Variants in ALKBH3 observed in about 807,000 individuals in gnomAD.
The protein encoded by ALKBH3 is alkB homolog 3, alpha-ketoglutarate dependent dioxygenase.
Under a neutral mutation model 43.9 loss-of-function variants are expected in ALKBH3, and 51 were observed. The ratio of observed to expected loss-of-function variants is 1.16; its 90% CI spans 0.93 to 1.47. The LOEUF is 1.47. ALKBH3 is among the 40% of genes most tolerant of loss of function. The pLI, the probability that ALKBH3 is intolerant of heterozygous loss-of-function variation, is 0.00. For missense variants in ALKBH3, 361 were observed against 351.9 expected (o/e 1.03, Z -0.21); for synonymous variants, 102 against 115.2 (o/e 0.89, Z 0.73).
At chr11:43,890,093 A>G (rs970860694) in intron 6 of ALKBH3, among the ~76,000 whole-genome samples, 2 of 152,098 alleles carry the variant, frequency 1.3e-5, no homozygotes, top group African/African-American at 4.8e-5. Context: ...TGGTTGGCTG[A>G]ACTATGGCTG....
chr11:43,890,333 G>A (rs2135181280), intron 6 of ALKBH3, among the ~76,000 whole-genome samples: 1 of 152,276 alleles, frequency 6.6e-6, no homozygotes, highest in South Asian at 2.1e-4. Context: ...TGACACGGCA[G>A]TTTGTTACCT....
rs1166346479 is a variant in ALKBH3, at chr11:43,919,037, G to A, written c.670-1G>A. 1.3e-6 allele frequency: 2 copies of A among 1,598,746 alleles called. No homozygotes were observed. The highest frequency in any genetic ancestry group is 1.7e-5 in the Admixed American group (1 of 59,936). The stretch of plus-strand genomic sequence containing the variant: ...TTATTACAACAAATGCTGTTTTCTA[G>A]GAAGAGAATGGAGACTACACATATG... On this transcript the variant is annotated splice_acceptor_variant, in intron 8 of 9. Coordinates refer to ENST00000302708, the MANE Select transcript of ALKBH3 (RefSeq NM_139178.4). LOFTEE classifies it high-confidence loss of function.
chr11:43,904,469 TATA>T (rs1334591912), intron 8 of ALKBH3, among the ~76,000 whole-genome samples: 3 of 152,234 alleles, frequency 2.0e-5, no homozygotes, highest in Non-Finnish European at 4.4e-5. Flanking sequence ...TGTTTGAAAT[TATA>T]ATCACACATG....
At chr11:43,885,319 A>G (rs572135555) in intron 4 of ALKBH3, among the ~76,000 whole-genome samples, 1 of 152,368 alleles carries the variant, frequency 6.6e-6, no homozygotes, top group African/African-American at 2.4e-5. Flanking sequence ...AATGTGGGCC[A>G]AAAATACACC....
intron 8 of ALKBH3, among the ~76,000 whole-genome samples, chr11:43,913,888 A>T (rs959355766): frequency 1.3e-5 from 2 of 152,220 alleles, no homozygotes; most frequent in Non-Finnish European, 2.9e-5. Context: ...GAAAATTTAT[A>T]ACTCAGGAAA....
chr11:43,901,866 C>CAAAAAACATAA, intron 8 of ALKBH3, 141 bp downstream of exon 8: 1 of 1,043,136 alleles, frequency 9.6e-7, no homozygotes. Flanking sequence ...TGACTACTTC[C>CAAAAAACATAA]CCATGGTTAA....
chr11:43,906,128 C>A (rs1951894575), intron 8 of ALKBH3, among the ~76,000 whole-genome samples: 1 of 152,192 alleles, frequency 6.6e-6, no homozygotes, highest in African/African-American at 2.4e-5. Context: ...AGCCCTCTAA[C>A]CACTCCTCTT....
At chr11:43,885,550 G>A (rs373223783) in intron 4 of ALKBH3, among the ~76,000 whole-genome samples, 4 of 152,208 alleles carry the variant, frequency 2.6e-5, no homozygotes, top group Non-Finnish European at 5.9e-5. Flanking sequence ...GTCTCTCTCT[G>A]AGAAGGATCT....
chr11:43,889,890 A>G (rs1655315807), intron 6 of ALKBH3, 62 bp downstream of exon 6: 28 of 1,368,504 alleles, frequency 2.0e-5, no homozygotes, highest in Non-Finnish European at 2.6e-5. Context: ...AATGTTTCCT[A>G]GTACCATCAC....
chr11:43,897,035 G>A (rs1245969925), intron 7 of ALKBH3, among the ~76,000 whole-genome samples: 1 of 151,988 alleles, frequency 6.6e-6, no homozygotes, highest in Non-Finnish European at 1.5e-5. Flanking sequence ...TTGAACTCCT[G>A]GGCTCAAGCG....
chr11:43,914,376 G>A (rs1012859907), intron 8 of ALKBH3, among the ~76,000 whole-genome samples: 1 of 152,144 alleles, frequency 6.6e-6, no homozygotes, highest in African/African-American at 2.4e-5. Context: ...CGGATATAGA[G>A]TGCCTGATGT....
At chr11:43,914,340 A>G (rs2135205713) in intron 8 of ALKBH3, among the ~76,000 whole-genome samples, 1 of 152,276 alleles carries the variant, frequency 6.6e-6, no homozygotes, top group South Asian at 2.1e-4. Context: ...CCTCCCTTAC[A>G]AGGTTGTAGT....
intron 8 of ALKBH3, among the ~76,000 whole-genome samples, chr11:43,904,882 A>G (rs1951885652): frequency 6.6e-6 from 1 of 152,004 alleles, no homozygotes; most frequent in South Asian, 2.1e-4. Context: ...ACTTCCTGTA[A>G]CTCTTAGAGA....
rs553663915 is a variant in ALKBH3 at position 43,905,099 on chromosome 11, A to G, written c.669+3374A>G. Among the ~76,000 whole-genome samples, 107 of 152,332 alleles carry G rather than the reference A, an allele frequency of 7.0e-4. 1 individual carries two copies. In the South Asian group the frequency reaches 0.013, roughly 19 times the overall value. ...CATGAGATTTCCTGCACTTTGTTCA[A>G]ATGTGCAGTTTTGAGACAGAAAAGC... is the stretch of plus-strand genomic sequence containing the variant. On this transcript the variant is annotated intron_variant, in intron 8 of 9. Coordinates refer to ENST00000302708, the MANE Select transcript of ALKBH3 (RefSeq NM_139178.4).
intron 7 of ALKBH3, among the ~76,000 whole-genome samples, chr11:43,895,158 T>TA (rs1951809705): frequency 6.6e-6 from 1 of 152,266 alleles, no homozygotes; most frequent in African/African-American, 2.4e-5. Context: ...ATAGTAACAA[T>TA]AATATTCCTT....
intron 7 of ALKBH3, among the ~76,000 whole-genome samples, chr11:43,895,392 A>C (rs945535928): frequency 6.6e-6 from 1 of 152,154 alleles, no homozygotes; most frequent in African/African-American, 2.4e-5. Flanking sequence ...TTCCCTGCAC[A>C]TGCGCTCTTG....
chr11:43,913,274 G>A (rs1293987562), intron 8 of ALKBH3, among the ~76,000 whole-genome samples: 1 of 151,750 alleles, frequency 6.6e-6, no homozygotes, highest in African/African-American at 2.4e-5. Flanking sequence ...ACGGGGGTTT[G>A]GTATACAGAT....
chr11:43,915,828 G>A (rs1452957082), intron 8 of ALKBH3, among the ~76,000 whole-genome samples: 7 of 152,174 alleles, frequency 4.6e-5, no homozygotes, highest in Non-Finnish European at 7.3e-5. Context: ...GATTACAGGC[G>A]ATTTTCTACA....
In ALKBH3 at chr11:43,889,738, C is replaced by A. The variant is rs1951770275; in HGVS notation, c.280C>A (p.Pro94Thr). 1.2e-6 allele frequency: 2 copies of A among 1,614,000 alleles called. No homozygotes were observed. The highest frequency in any genetic ancestry group is 8.5e-7 in the Non-Finnish European group (1 of 1,179,970). ...PTGVSRVCLYPGFVDVKEADW... is the reference protein window; with the variant it reads ...PTGVSRVCLYTGFVDVKEADW... The stretch of plus-strand genomic sequence containing the variant: ...TTCTGCACCCAGGGTCTGTTTGTAT[C>A]CTGGCTTTGTTGACGTGAAAGAAGC... The change falls in exon 6 of 10, where the codon CCT (proline) becomes ACT (threonine). Residue 94 changes from proline to threonine, a missense_variant. Physicochemically the swap from Pro to Thr is conservative, Grantham distance 38. Transcript: ENST00000302708.
Sources: allele counts gnomAD v4.1 joint callset (sites outside exome capture counted in the v4.1 genomes callset), GRCh38; gene constraint gnomAD v4.1.1; transcripts MANE v1.5; gene names NCBI Gene and HGNC (gene_info 2026-07-23, HGNC 2026-07-21).